Variants in GSG1L observed in about 807,000 individuals in gnomAD.
GSG1L encodes the protein GSG1 like, also known as germ cell-specific gene 1-like protein.
Under a neutral mutation model 42.1 loss-of-function variants are expected in GSG1L, and 24 were observed. The ratio of observed to expected loss-of-function variants is 0.57; its 90% CI spans 0.41 to 0.80. GSG1L has a LOEUF of 0.80. Among genes scored for constraint, GSG1L ranks in the 30% least tolerant of loss-of-function variants. The pLI is 0.00. For missense variants in GSG1L, 445 were observed against 472.2 expected (o/e 0.94, Z 0.53); for synonymous variants, 215 against 203.5 (o/e 1.06, Z -0.48).
At chr16:28,013,505 G>T (rs2085747907) in intron 1 of GSG1L, among the ~76,000 whole-genome samples, 1 of 152,192 alleles carries the variant, frequency 6.6e-6, no homozygotes, top group Non-Finnish European at 1.5e-5. Context: ...CCAGAACAGT[G>T]CTTGGCAGGG....
chr16:27,974,673 C>G (rs2085232218), intron 1 of GSG1L, among the ~76,000 whole-genome samples: 1 of 152,146 alleles, frequency 6.6e-6, no homozygotes, highest in Non-Finnish European at 1.5e-5. Flanking sequence ...AGGCCAGGGG[C>G]ACACAGACAG....
chr16:27,839,316 G>A (rs2083353469), intron 4 of GSG1L, among the ~76,000 whole-genome samples: 1 of 152,182 alleles, frequency 6.6e-6, no homozygotes, highest in South Asian at 2.1e-4. Flanking sequence ...ACTTCTCTGG[G>A]CCCTCCAGCT....
intron 2 of GSG1L, among the ~76,000 whole-genome samples, chr16:27,931,523 T>C (rs757502778): frequency 6.6e-6 from 1 of 152,208 alleles, no homozygotes; most frequent in Non-Finnish European, 1.5e-5. Flanking sequence ...CAATGAGATG[T>C]CGTTTTATGC....
At chr16:28,006,708 G>A (rs2085643565) in intron 1 of GSG1L, among the ~76,000 whole-genome samples, 1 of 152,092 alleles carries the variant, frequency 6.6e-6, no homozygotes, top group Non-Finnish European at 1.5e-5. Context: ...TAAGTTTGTG[G>A]GGTCATTTAT....
At chr16:27,839,368 T>C (rs372760805) in intron 4 of GSG1L, among the ~76,000 whole-genome samples, 15 of 152,238 alleles carry the variant, frequency 9.9e-5, no homozygotes, top group African/African-American at 3.6e-4. Flanking sequence ...ACCCTCAGTC[T>C]GCAGAGTGAA....
chr16:27,896,962 G>A (rs775989230), intron 2 of GSG1L, among the ~76,000 whole-genome samples: 2 of 151,720 alleles, frequency 1.3e-5, no homozygotes, highest in Non-Finnish European at 2.9e-5. Flanking sequence ...CACCTAGGCT[G>A]AAGCGATTCT....
At chr16:27,947,873 C>G (rs2141092565) in intron 2 of GSG1L, among the ~76,000 whole-genome samples, 1 of 152,294 alleles carries the variant, frequency 6.6e-6, no homozygotes, top group South Asian at 2.1e-4. Flanking sequence ...CCTTTGCACT[C>G]TGACATTCCA....
rs145433872 is a variant in GSG1L, at chr16:27,790,114, A to C, written c.*1256T>G. On this transcript the variant is annotated 3_prime_UTR_variant, in exon 7 of 7. Transcript: ENST00000447459. ...GGAAGGATGGATGAATGAATGAATG[A>C]TGGATGGATGAGTGGAAAGATGAAT... The C allele has an allele frequency of 1.3e-5, 2 of 151,752 alleles. No individual in the cohort carries two copies. The highest frequency in any genetic ancestry group is 4.8e-5 in the African/African-American group (2 of 41,284). 9.4% of individuals were successfully genotyped at this position (151,752 alleles called of 1,614,324 possible).
chr16:27,877,728 C>T (rs958277480), intron 3 of GSG1L, among the ~76,000 whole-genome samples: 7 of 152,182 alleles, frequency 4.6e-5, no homozygotes, highest in Admixed American at 1.3e-4. Flanking sequence ...TGGGCCCCAG[C>T]CTTGAAAATT....
At position 28,063,082 on chromosome 16, in the gene GSG1L, C is replaced by G. The variant is rs1352479827; in HGVS notation, c.343G>C (p.Gly115Arg). ...GCCGCCCGCGCGCACTCACCAAGCC[C>G]GCTGAGCTCCTCCTCGCACGAGTAC... ...IWYSCEEELS[G>R]LGEKCRSFID... Residue 115 changes from glycine to arginine, a missense_variant, in exon 1 of 7, where the codon GGG becomes CGG. Gly to Arg is a moderately radical substitution (Grantham distance 125). This residue lies in a region of GSG1L where 149 missense variants were observed against 223.3 expected (regional missense o/e 0.67). Transcript: ENST00000447459. The surrounding 1 kb of genome is among the most constrained non-coding windows in gnomAD (Gnocchi z 5.8). 1 of 1,428,714 alleles carries G rather than the reference C, an allele frequency of 7.0e-7. No individual in the cohort carries two copies. Among genetic ancestry groups the G allele is most frequent in the Non-Finnish European group, 9.2e-7 (1 of 1,085,354 alleles). 88.5% of individuals were successfully genotyped at this position (1,428,714 alleles called of 1,614,324 possible). A position where few individuals can be genotyped will look rare whatever the true frequency, so the allele number is the denominator to read the frequency against.
In GSG1L at chr16:27,860,083, A is replaced by G. The variant is rs138585579; in HGVS notation, c.551-15022T>C. Among the ~76,000 whole-genome samples the G allele has an allele frequency of 7.2e-5, 11 of 152,276 alleles. 1 individual carries two copies. In the East Asian group the frequency reaches 1.9e-3, roughly 27 times the overall value. On this transcript the variant is annotated intron_variant, in intron 3 of 6. Transcript: ENST00000447459. ...GGTTTAGGACTAGGACACCCCTTCA[A>G]TCACCAAAGATTAAGGCTTAACTGG...
intron 4 of GSG1L, 151 bp downstream of exon 4, chr16:27,844,799 T>G: frequency 4.0e-6 from 2 of 506,248 alleles, no homozygotes; most frequent in Non-Finnish European, 3.6e-6. Flanking sequence ...TGCCCTGGGG[T>G]CTTAAAGCGC....
At chr16:27,920,338 G>C (rs1045016546) in intron 2 of GSG1L, among the ~76,000 whole-genome samples, 1 of 152,160 alleles carries the variant, frequency 6.6e-6, no homozygotes, top group Non-Finnish European at 1.5e-5. Flanking sequence ...TCCCCACTTG[G>C]ACCTGAGTTG....
At chr16:28,034,442 G>A (rs1220569235) in intron 1 of GSG1L, among the ~76,000 whole-genome samples, 1 of 152,210 alleles carries the variant, frequency 6.6e-6, no homozygotes, top group Non-Finnish European at 1.5e-5. Flanking sequence ...TGGCTTATGT[G>A]AAGAAAAAGG....
At chr16:28,021,776 T>C (rs983772844) in intron 1 of GSG1L, among the ~76,000 whole-genome samples, 1 of 152,096 alleles carries the variant, frequency 6.6e-6, no homozygotes, top group Non-Finnish European at 1.5e-5. Context: ...CATATTCATG[T>C]CCCCAAAAAT....
At chr16:28,046,764 G>A (rs1051977272) in intron 1 of GSG1L, among the ~76,000 whole-genome samples, 12 of 152,166 alleles carry the variant, frequency 7.9e-5, no homozygotes, top group East Asian at 1.9e-4. Context: ...CCTCAAAGTC[G>A]CCCTGCTCTA....
chr16:27,841,636 A>C (rs79664661), intron 4 of GSG1L, among the ~76,000 whole-genome samples: 11 of 152,138 alleles, frequency 7.2e-5, no homozygotes, highest in Non-Finnish European at 1.6e-4. Flanking sequence ...CGAGGCCCCA[A>C]ATGTGAGGGA....
At chr16:27,979,315 C>A (rs1415670413) in intron 1 of GSG1L, among the ~76,000 whole-genome samples, 1 of 151,872 alleles carries the variant, frequency 6.6e-6, no homozygotes, top group Non-Finnish European at 1.5e-5. Flanking sequence ...CCTGTAATCC[C>A]AGCACTTTGG....
At chr16:27,976,114 A>T (rs962790564) in intron 1 of GSG1L, among the ~76,000 whole-genome samples, 1 of 152,246 alleles carries the variant, frequency 6.6e-6, no homozygotes, top group East Asian at 1.9e-4. Flanking sequence ...GTCTCTACAT[A>T]AAATACAAAA....
Sources: allele counts gnomAD v4.1 joint callset (sites outside exome capture counted in the v4.1 genomes callset), GRCh38; gene constraint gnomAD v4.1.1; regional missense constraint gnomAD v4.1.1; non-coding constraint Gnocchi (gnomAD v3.1); transcripts MANE v1.5; gene names NCBI Gene and HGNC (gene_info 2026-07-23, HGNC 2026-07-21).